The following PTK2B variants were observed in gnomAD, a reference collection of about 807,000 sequenced individuals.
PTK2B encodes protein tyrosine kinase 2 beta.
In PTK2B, 71 loss-of-function variants were observed where a neutral mutation model predicts 142.9. The observed-to-expected ratio is 0.50, with a 90% CI of 0.41 to 0.61. PTK2B has a LOEUF of 0.61. Among genes scored for constraint, PTK2B ranks in the 20% least tolerant of loss-of-function variants. PTK2B has a pLI of 0.00. For missense variants in PTK2B, 1,105 were observed against 1,320.4 expected, an observed-to-expected ratio of 0.84 and a Z score of 2.53; for synonymous variants, 519 against 503.4, an observed-to-expected ratio of 1.03 and a Z score of -0.42.
intron 1 of PTK2B, 35 bp from the exon 2 acceptor site, chr8:27,397,503 CCTGTGTGGGG>C: frequency 2.1e-6 from 3 of 1,449,064 alleles, no homozygotes; most frequent in Non-Finnish European, 1.9e-6. Flanking sequence ...GGTATGTGGG[CCTGTGTGGGG>C]CTCTTTCAGG....
intron 1 of PTK2B, among the ~76,000 whole-genome samples, chr8:27,392,208 T>C (rs1807767952): frequency 6.6e-6 from 1 of 152,166 alleles, no homozygotes; most frequent in African/African-American, 2.4e-5. Context: ...TGTTCTCATC[T>C]CTTCCCAACT....
At chr8:27,369,791 A>G (rs1431455856) in intron 1 of PTK2B, among the ~76,000 whole-genome samples, 3 of 152,220 alleles carry the variant, frequency 2.0e-5, no homozygotes, top group African/African-American at 4.8e-5. Context: ...CCTGGCCAAC[A>G]TGGCAAAACC....
chr8:27,393,319 G>C (rs1807835395), intron 1 of PTK2B, among the ~76,000 whole-genome samples: 1 of 152,204 alleles, frequency 6.6e-6, no homozygotes, highest in Non-Finnish European at 1.5e-5. Flanking sequence ...CTGCTGCAAA[G>C]GGCTAAAGGG....
At chr8:27,387,147 T>TG (rs755348366) in intron 1 of PTK2B, among the ~76,000 whole-genome samples, 3 of 151,886 alleles carry the variant, frequency 2.0e-5, no homozygotes, top group Admixed American at 1.3e-4. Context: ...GAGGGAAGGT[T>TG]GGGGGTCACT....
intron 1 of PTK2B, among the ~76,000 whole-genome samples, chr8:27,311,950 T>G (rs761848834): frequency 6.6e-6 from 1 of 152,174 alleles, no homozygotes; most frequent in Non-Finnish European, 1.5e-5. Flanking sequence ...GTAATAGCTC[T>G]GTTTCCATGA....
chr8:27,368,216 A>G (rs1319972939), intron 1 of PTK2B, among the ~76,000 whole-genome samples: 2 of 152,174 alleles, frequency 1.3e-5, no homozygotes, highest in Non-Finnish European at 2.9e-5. Context: ...GGGAACGGCT[A>G]TGTCCCCAAA....
chr8:27,408,489 C>T (rs149324773), intron 2 of PTK2B, among the ~76,000 whole-genome samples: 2 of 152,344 alleles, frequency 1.3e-5, no homozygotes, highest in Non-Finnish European at 2.9e-5. Flanking sequence ...TAAACCTAAG[C>T]ATAAAAATGG....
At position 27,439,365 on chromosome 8, in the gene PTK2B, C is replaced by G. The variant is rs745828291; in HGVS notation, c.1801C>G (p.Arg601Gly). 3 of 1,614,088 alleles carry G rather than the reference C, an allele frequency of 1.9e-6. No homozygotes were observed. The South Asian group carries it at 3.3e-5, about 18-fold the overall frequency. The change falls in exon 20 of 31, where the codon CGC (arginine) becomes GGC (glycine). Residue 601 changes from arginine (R) to glycine (G), a missense_variant. Physicochemically the swap from Arg to Gly is moderately radical, Grantham distance 125 (BLOSUM62 -2). Coordinates refer to ENST00000346049, the MANE Select transcript of PTK2B (RefSeq NM_173176.3). ...GTCCCCAGAGTCCATTAACTTCCGA[C>G]GCTTCACGACAGCCAGTGACGTCTG... is the stretch of plus-strand genomic sequence containing the variant. ...WMSPESINFR[R>G]FTTASDVWMF... is the part of the protein sequence containing the mutation.
chr8:27,456,597 A>T (rs985484640), intron 30 of PTK2B, among the ~76,000 whole-genome samples: 1 of 152,206 alleles, frequency 6.6e-6, no homozygotes, highest in Non-Finnish European at 1.5e-5. Flanking sequence ...CGGTCTCTGC[A>T]TGTTCAAGTA....
chr8:27,434,370 C>T lies in PTK2B; in HGVS notation c.1146-143C>T, dbSNP rs998420417. The stretch of plus-strand genomic sequence containing the variant: ...GTCCCCCAACTCCAGCCCCCAGCAG[C>T]CTGGGCTGTGCTCCCAGGTCATTGC... On this transcript the variant is annotated intron_variant, in intron 12 of 30. Coordinates refer to ENST00000346049, the MANE Select transcript of PTK2B (RefSeq NM_173176.3). 4 of 1,085,728 alleles carry T rather than the reference C, an allele frequency of 3.7e-6. No individual in the cohort carries two copies. The African/African-American group carries it at 4.8e-5, about 13-fold the overall frequency. The allele number at this position is 1,085,728 out of a possible 1,614,324, so 67.3% of individuals were successfully genotyped here. A position where few individuals can be genotyped will look rare whatever the true frequency, so the allele number is the denominator to read the frequency against.
intron 30 of PTK2B, among the ~76,000 whole-genome samples, chr8:27,456,925 GT>G (rs1441200151): frequency 1.3e-5 from 2 of 152,240 alleles, no homozygotes; most frequent in Non-Finnish European, 2.9e-5. Context: ...GATTCAGGAA[GT>G]TGCAGAAGAA....
intron 2 of PTK2B, among the ~76,000 whole-genome samples, chr8:27,403,688 C>T (rs1282068444): frequency 6.6e-6 from 1 of 152,176 alleles, no homozygotes; most frequent in African/African-American, 2.4e-5. Flanking sequence ...AGATGACACT[C>T]TGAAAACAAC....
At chr8:27,343,546 C>T (rs1804536854) in intron 1 of PTK2B, among the ~76,000 whole-genome samples, 1 of 152,180 alleles carries the variant, frequency 6.6e-6, no homozygotes, top group African/African-American at 2.4e-5. Context: ...TTATACCTGT[C>T]TAATGACATA....
chr8:27,420,831 A>G, intron 4 of PTK2B, 87 bp downstream of exon 4: 2 of 1,273,018 alleles, frequency 1.6e-6, no homozygotes, highest in Admixed American at 1.9e-5. Context: ...GGAGATGGAA[A>G]GACAAAGCCC....
intron 3 of PTK2B, among the ~76,000 whole-genome samples, chr8:27,319,575 T>C (rs897626229): frequency 4.3e-5 from 6 of 138,154 alleles, no homozygotes; most frequent in East Asian, 2.1e-4. Context: ...ACCTGGGAGG[T>C]AGAGCTTGCA....
At chr8:27,451,739 C>G in intron 27 of PTK2B, 1 of 1,391,012 alleles carries the variant, frequency 7.2e-7, no homozygotes, top group South Asian at 1.6e-5. Context: ...GTGGCCACAT[C>G]CTTAGGCCCC....
At chr8:27,347,994 C>A (rs1233690783) in intron 1 of PTK2B, among the ~76,000 whole-genome samples, 1 of 152,248 alleles carries the variant, frequency 6.6e-6, no homozygotes, top group Non-Finnish European at 1.5e-5. Context: ...GCAGCCCATT[C>A]TTCTGGCTTC....
chr8:27,334,042 A>G (rs750707532), intron 1 of PTK2B, among the ~76,000 whole-genome samples: 6 of 151,562 alleles, frequency 4.0e-5, no homozygotes, highest in Non-Finnish European at 8.8e-5. Flanking sequence ...AAACCTTGCT[A>G]TTGCCTCCCC....
chr8:27,410,399 T>A (rs889641368), intron 2 of PTK2B, among the ~76,000 whole-genome samples: 1 of 152,094 alleles, frequency 6.6e-6, no homozygotes, highest in Non-Finnish European at 1.5e-5. Context: ...AGGACATAGG[T>A]ATTATGTGTG....
Sources: gnomAD v4.1 joint callset for allele counts (sites outside exome capture counted in the v4.1 genomes callset) on GRCh38, gnomAD v4.1.1 for gene constraint, MANE v1.5 for transcripts, NCBI Gene and HGNC (gene_info 2026-07-23, HGNC 2026-07-21) for gene names.